Variants in EML6 observed in about 807,000 individuals in gnomAD.
The protein encoded by EML6 is EMAP like 6.
In EML6, 154 loss-of-function variants were observed where a neutral mutation model predicts 240.1. The observed-to-expected ratio is 0.64, with a 90% confidence interval of 0.56 to 0.73. The LOEUF is 0.73. Among genes scored for constraint, EML6 ranks in the 30% least tolerant of loss-of-function variants. EML6 has a pLI of 0.00. For missense variants in EML6, 2,964 were observed against 2,474.6 expected (o/e 1.20, Z -4.20); for synonymous variants, 1,148 against 899.0 (o/e 1.28, Z -4.95).
intron 4 of EML6, among the ~76,000 whole-genome samples, chr2:54,819,772 A>AG (rs1221086734): frequency 5.6e-5 from 5 of 89,206 alleles, no homozygotes; most frequent in South Asian, 4.6e-4. Flanking sequence ...AGACTGTCTC[A>AG]GAAAAAAAAA....
intron 36 of EML6, among the ~76,000 whole-genome samples, 175 bp from the exon 37 acceptor site, chr2:54,963,811 C>G (rs563947925): frequency 9.1e-4 from 139 of 152,348 alleles, no homozygotes; most frequent in African/African-American, 3.3e-3. Flanking sequence ...CTGCTCTAAT[C>G]AAGACATACA....
chr2:54,813,247 A>T lies in EML6; in HGVS notation c.213A>T (p.Pro71=), dbSNP rs377361462. 6.5e-7 allele frequency: 1 copy of T among 1,550,296 alleles called. No individual in the cohort carries two copies. The highest frequency in any genetic ancestry group is 1.2e-5 in the South Asian group (1 of 83,698). The part of the protein sequence containing the change: ...NDDIISLALH[P]DKTLVATGQV... ...TCTCTTTCAGCCTTGCCTTACACCC[A>T]GACAAAACTCTCGTTGCAACTGGCC... Residue 71 remains proline, a synonymous_variant, in exon 3 of 42, where the codon CCA becomes CCT. Coordinates refer to ENST00000356458, the MANE Select transcript of EML6 (RefSeq NM_001039753.4).
At chr2:54,885,929 GAGTC>G (rs954562460) in intron 17 of EML6, among the ~76,000 whole-genome samples, 2 of 152,030 alleles carry the variant, frequency 1.3e-5, no homozygotes, top group African/African-American at 4.8e-5. Flanking sequence ...GATTTTCAAA[GAGTC>G]AGAGCCCCAA....
In EML6 at chr2:54,903,206, A is replaced by C. The variant is rs1444059637; in HGVS notation, c.3277+10A>C. The C allele has an allele frequency of 1.3e-6, 2 of 1,549,956 alleles. No homozygotes were observed. The highest frequency in any genetic ancestry group is 1.7e-6 in the Non-Finnish European group (2 of 1,145,824). The stretch of plus-strand genomic sequence containing the variant: ...ATTAAGTTTTCAAAAGGTGAAGATG[A>C]CAGCAGATACTTTTTAAAATAGCAC... On this transcript the variant is annotated intron_variant, in intron 23 of 41. Transcript: ENST00000356458.
At chr2:54,881,160 C>T (rs913470549) in intron 17 of EML6, 4 of 152,070 alleles carry the variant, frequency 2.6e-5, no homozygotes, top group African/African-American at 9.7e-5. Context: ...TTAGCCAGTG[C>T]TGTTTCCAAG....
intron 28 of EML6, among the ~76,000 whole-genome samples, chr2:54,930,551 A>G (rs1035397854): frequency 2.0e-5 from 3 of 152,178 alleles, no homozygotes; most frequent in African/African-American, 7.2e-5. Flanking sequence ...AAAGCCTTAT[A>G]ATATTATGAA....
At chr2:54,792,243 C>G (rs772763558) in intron 2 of EML6, among the ~76,000 whole-genome samples, 1 of 152,116 alleles carries the variant, frequency 6.6e-6, no homozygotes, top group Non-Finnish European at 1.5e-5. Context: ...AAATGGGTCT[C>G]GATATATTTT....
At chr2:54,923,404 C>CACACACACACAA (rs1553416848) in intron 26 of EML6, among the ~76,000 whole-genome samples, 3 of 143,406 alleles carry the variant, frequency 2.1e-5, no homozygotes, top group Admixed American at 7.1e-5. Context: ...CACACACACA[C>CACACACACACAA]AATGGTAACT....
At chr2:54,922,090 T>C (rs1009125390) in intron 26 of EML6, among the ~76,000 whole-genome samples, 1 of 152,120 alleles carries the variant, frequency 6.6e-6, no homozygotes, top group Non-Finnish European at 1.5e-5. Context: ...TAAAAAGCTT[T>C]GCATGGCAAA....
At chr2:54,733,649 C>G (rs891721213) in intron 2 of EML6, among the ~76,000 whole-genome samples, 3 of 152,150 alleles carry the variant, frequency 2.0e-5, no homozygotes, top group Admixed American at 1.3e-4. Flanking sequence ...TTGCACATGG[C>G]CACCCTCCCA....
rs1207908717 is a variant in EML6 at position 54,869,254 on chromosome 2, G to A, written c.2125G>A (p.Val709Ile). 1 of 1,551,734 alleles carries A rather than the reference G, an allele frequency of 6.4e-7. No individual in the cohort carries two copies. The highest frequency in any genetic ancestry group is 1.2e-5 in the South Asian group (1 of 84,058). Residue 709 changes from valine to isoleucine, a missense_variant, in exon 15 of 42, where the codon GTT becomes ATT. By Grantham distance (29) the Val-to-Ile change is conservative. Transcript: ENST00000356458. Reference sequence around the variant, plus strand: ...AGAAGTAGTCTACCACATTGCTGCAGTTGCTGTCGTGTATAATCGGCAGCA... The same window carrying A: ...AGAAGTAGTCTACCACATTGCTGCAATTGCTGTCGTGTATAATCGGCAGCA... ...AGEVVYHIAA[V>I]AVVYNRQQHS...
chr2:54,850,481 G>A, intron 10 of EML6: 2 of 388,058 alleles, frequency 5.2e-6, no homozygotes, highest in Non-Finnish European at 9.3e-6. Context: ...GAAATGTAAA[G>A]ACAAGGCATA....
intron 28 of EML6, among the ~76,000 whole-genome samples, chr2:54,944,584 A>G (rs1363543552): frequency 6.6e-6 from 1 of 152,144 alleles, no homozygotes; most frequent in Non-Finnish European, 1.5e-5. Context: ...TTTCACCCAA[A>G]TAACTTTGTA....
chr2:54,948,228 C>T (rs929032369), intron 28 of EML6, among the ~76,000 whole-genome samples: 11 of 152,154 alleles, frequency 7.2e-5, no homozygotes, highest in African/African-American at 9.7e-5. Flanking sequence ...GACCCCAAAA[C>T]GGAGGCGGGA....
chr2:54,950,554 C>T, intron 29 of EML6, 96 bp from the exon 30 acceptor site: 2 of 1,404,532 alleles, frequency 1.4e-6, no homozygotes, highest in Non-Finnish European at 1.9e-6. Flanking sequence ...CATACCGTTC[C>T]TGGGACACAC....
In EML6 at chr2:54,869,375, T is replaced by A; in HGVS notation, c.2238+8T>A. ...TATGTGGCTACTGGGCAGGTATCTA[T>A]CTCCTGTAAACTAGGGCCTAGCCAA... On this transcript the variant is annotated splice_region_variant and intron_variant, in intron 15 of 41. Transcript: ENST00000356458. 7.1e-6 allele frequency: 11 copies of A among 1,540,906 alleles called. No individual in the cohort carries two copies. Among genetic ancestry groups the A allele is most frequent in the Non-Finnish European group, 9.7e-6 (11 of 1,139,120 alleles).
chr2:54,933,341 C>T lies in EML6; in HGVS notation c.4004+4590C>T, dbSNP rs112309149. Among the ~76,000 whole-genome samples the T allele has an allele frequency of 8.6e-3, 1,314 of 152,238 alleles. 19 individuals carry two copies. The highest frequency in any genetic ancestry group is 0.03 in the African/African-American group (1,232 of 41,506). On this transcript the variant is annotated intron_variant, in intron 28 of 41. Coordinates refer to ENST00000356458, the MANE Select transcript of EML6 (RefSeq NM_001039753.4). Reference sequence around the variant, plus strand: ...CACTTCACCTCTCTGTAATCACTTCCCCCAGAGGTGATTTGGACAGACCCA... The same window carrying T: ...CACTTCACCTCTCTGTAATCACTTCTCCCAGAGGTGATTTGGACAGACCCA...
In EML6 at chr2:54,916,865, C is replaced by G. The variant is rs370241944; in HGVS notation, c.3605C>G (p.Thr1202Ser). 1 of 1,550,580 alleles carries G rather than the reference C, an allele frequency of 6.4e-7. No individual in the cohort carries two copies. Among genetic ancestry groups the G allele is most frequent in the Non-Finnish European group, 8.7e-7 (1 of 1,146,098 alleles). Residue 1202 changes from threonine (T) to serine (S), a missense_variant, in exon 26 of 42, where the codon ACC (threonine) becomes AGC (serine). Transcript: ENST00000356458. ...DITDVNAASL[T>S]KDCSLLATGD... ...ACTGACGTAAATGCTGCCAGTCTTA[C>G]CAAAGACTGTTCCCTTTTAGCCACC...
At chr2:54,798,065 G>T (rs1204257887) in intron 2 of EML6, among the ~76,000 whole-genome samples, 1 of 152,176 alleles carries the variant, frequency 6.6e-6, no homozygotes, top group African/African-American at 2.4e-5. Context: ...GGATTGCAAT[G>T]AAGCAATTTG....
Sources: allele counts gnomAD v4.1 joint callset (sites outside exome capture counted in the v4.1 genomes callset), GRCh38; gene constraint gnomAD v4.1.1; transcripts MANE v1.5; gene names NCBI Gene and HGNC (gene_info 2026-07-23, HGNC 2026-07-21).